ALG5: variants seen among roughly 807,000 people sequenced by gnomAD.
ALG5 encodes ALG5 dolichyl-phosphate beta-glucosyltransferase, also known as dolichyl-phosphate beta-glucosyltransferase.
ALG5 carries 26 observed loss-of-function variants against 51.8 expected under a neutral mutation model. The observed-to-expected ratio is 0.50, with a 90% confidence interval of 0.37 to 0.70. The LOEUF (loss-of-function observed/expected upper bound fraction) is 0.70, where lower values mean the gene tolerates loss of function less well. ALG5 is among the 30% of genes least tolerant of loss of function. ALG5 has a pLI of 0.00. For synonymous variants in ALG5, 141 were observed against 136.1 expected (o/e 1.04, Z -0.25); for missense variants, 311 against 399.3 (o/e 0.78, Z 1.88).
chr13:36,995,683 T>C, intron 1 of ALG5, 87 bp from the exon 2 acceptor site: 1 of 1,263,614 alleles, frequency 7.9e-7, no homozygotes, highest in Non-Finnish European at 1.1e-6. Context: ...ATCATCTACT[T>C]TTCTTTTAGT....
chr13:36,989,759 C>T (rs971309166), intron 4 of ALG5, among the ~76,000 whole-genome samples, 183 bp from the exon 5 acceptor site: 11 of 152,170 alleles, frequency 7.2e-5, no homozygotes, highest in Admixed American at 4.6e-4. Context: ...CATTGACCTA[C>T]TAGGTTGAAA....
At chr13:36,956,659 C>T (rs1430147205) in intron 8 of ALG5, among the ~76,000 whole-genome samples, 3 of 152,126 alleles carry the variant, frequency 2.0e-5, no homozygotes, top group East Asian at 3.9e-4. Flanking sequence ...GGGCAACCTC[C>T]TTTGGGTCCC....
In ALG5 at chr13:36,989,520, C is replaced by T. The variant is rs1180194677; in HGVS notation, c.411G>A (p.Leu137=). 6.2e-7 allele frequency: 1 copy of T among 1,612,660 alleles called. No homozygotes were observed. Among genetic ancestry groups the T allele is most frequent in the African/African-American group, 1.3e-5 (1 of 74,890 alleles). The change falls in exon 5 of 10, where the codon CTG becomes CTA. Residue 137 remains leucine, a synonymous_variant. Coordinates refer to ENST00000239891, the MANE Select transcript of ALG5 (RefSeq NM_013338.5). ...YGSDKVRVIT[L]VKNRGKGGAI... is the part of the protein sequence containing the mutation. The stretch of plus-strand genomic sequence containing the variant: ...CTCCACCTTTTCCACGATTCTTCAC[C>T]AGGGTTATCACACGTACTTTGTCAC...
intron 3 of ALG5, among the ~76,000 whole-genome samples, 160 bp from the exon 4 acceptor site, chr13:36,993,832 T>C (rs1240104436): frequency 6.7e-6 from 1 of 148,868 alleles, no homozygotes; most frequent in South Asian, 2.1e-4. Context: ...AAAGGCTAAG[T>C]AAAAAGAGAG....
In ALG5 at chr13:36,999,295, A is replaced by G; in HGVS notation, c.6T>C (p.Ala2=). 1 of 1,574,806 alleles carries G rather than the reference A, an allele frequency of 6.3e-7. No individual in the cohort carries two copies. The highest frequency in any genetic ancestry group is 8.6e-7 in the Non-Finnish European group (1 of 1,163,542). ...GCACCGCCAGCTGCAACAGAAGCGG[A>G]GCCATTCTCCATGCCGTGGCAGCCC... M[A]PLLLQLAVLG... Residue 2 remains alanine, a synonymous_variant, in exon 1 of 10, where the codon GCT becomes GCC. Transcript: ENST00000239891.
chr13:36,993,885 T>C (rs932761946), intron 3 of ALG5, among the ~76,000 whole-genome samples: 1 of 152,200 alleles, frequency 6.6e-6, no homozygotes, highest in African/African-American at 2.4e-5. Flanking sequence ...ATTGACTCAA[T>C]CTCTCCATGT....
intron 9 of ALG5, 43 bp from the exon 10 acceptor site, chr13:36,950,100 C>T: frequency 7.8e-7 from 1 of 1,279,790 alleles, no homozygotes; most frequent in Non-Finnish European, 1.1e-6. Flanking sequence ...CTTAAATAAA[C>T]TCAGCAGAAA....
intron 3 of ALG5, among the ~76,000 whole-genome samples, chr13:36,994,306 G>T (rs1280721586): frequency 6.6e-6 from 1 of 152,020 alleles, no homozygotes; most frequent in Non-Finnish European, 1.5e-5. Flanking sequence ...AAATCTAAAA[G>T]CAAAGTAAAT....
intron 6 of ALG5, among the ~76,000 whole-genome samples, chr13:36,978,634 G>A (rs909202903): frequency 7.9e-5 from 12 of 151,518 alleles, no homozygotes; most frequent in South Asian, 2.1e-4. Context: ...AATGTTAGCC[G>A]GGCGTGGTGG....
At chr13:36,974,704 T>C (rs2058941765) in intron 6 of ALG5, among the ~76,000 whole-genome samples, 1 of 151,878 alleles carries the variant, frequency 6.6e-6, no homozygotes. Flanking sequence ...AATCTTGTTC[T>C]ATGTAAAGCC....
intron 6 of ALG5, among the ~76,000 whole-genome samples, chr13:36,975,202 A>C (rs913150946): frequency 2.0e-5 from 3 of 152,078 alleles, no homozygotes; most frequent in African/African-American, 7.2e-5. Context: ...CAAGAGTAAA[A>C]CTCTGTCTAA....
Position 36,958,994 on chromosome 13 carries a change from TA to T in ALG5, c.774-6396del, listed in dbSNP as rs869205338. Among the ~76,000 whole-genome samples the T allele has an allele frequency of 4.4e-3, 619 of 140,026 alleles. 6 individuals are homozygous for T. Among genetic ancestry groups the T allele is most frequent in the African/African-American group, 0.014 (543 of 38,098 alleles). The allele number at this position is 140,026 out of a possible 152,430, so 91.9% of individuals were successfully genotyped here. ...TCTTGCAACTGCAAACAAAATAAAA[TA>T]AAAAAAAAAAGAAATATTATTCAGC... is the stretch of plus-strand genomic sequence containing the variant. On this transcript the variant is annotated intron_variant, in intron 8 of 9. Transcript: ENST00000239891.
intron 8 of ALG5, among the ~76,000 whole-genome samples, chr13:36,958,082 T>C (rs2058848676): frequency 6.6e-6 from 1 of 152,094 alleles, no homozygotes; most frequent in African/African-American, 2.4e-5. Flanking sequence ...CTGTGCCTGC[T>C]CTTTAAGCGA....
In ALG5 at chr13:36,949,992, G is replaced by T; in HGVS notation, c.925C>A (p.Arg309=). 1.9e-6 allele frequency: 3 copies of T among 1,613,262 alleles called. No homozygotes were observed. Among genetic ancestry groups the T allele is most frequent in the Non-Finnish European group, 2.5e-6 (3 of 1,179,778 alleles). The change falls in exon 10 of 10, where the codon CGA becomes AGA. Residue 309 remains arginine (R), a synonymous_variant. Transcript: ENST00000239891. Reference sequence around the variant, plus strand: ...AGCCTCCAGGCACCAGTCAAATATCGAAGTCGTATAAAAAGTAGGTCTTTA... The same window carrying T: ...AGCCTCCAGGCACCAGTCAAATATCTAAGTCGTATAAAAAGTAGGTCTTTA... ...MGKDLLFIRL[R]YLTGAWRLEQ...
At chr13:36,998,461 C>A (rs1046570023) in intron 1 of ALG5, among the ~76,000 whole-genome samples, 1 of 152,188 alleles carries the variant, frequency 6.6e-6, no homozygotes, top group African/African-American at 2.4e-5. Context: ...GAAATCCTCT[C>A]CACTTACTAA....
chr13:36,973,337 G>C (rs2058935197), intron 6 of ALG5, among the ~76,000 whole-genome samples: 1 of 152,090 alleles, frequency 6.6e-6, no homozygotes, highest in African/African-American at 2.4e-5. Flanking sequence ...CATACACAAA[G>C]CCATATGAGT....
In ALG5 at chr13:36,949,927, A is replaced by G. The variant is rs760891409; in HGVS notation, c.*15T>C. On this transcript the variant is annotated 3_prime_UTR_variant, in exon 10 of 10. Coordinates refer to ENST00000239891, the MANE Select transcript of ALG5 (RefSeq NM_013338.5). ...ACACTGAAGCATAAGAACACAACTGAAGACTGCAAACAACCTAATTCATTT... is the reference window on the plus strand; with the variant it reads ...ACACTGAAGCATAAGAACACAACTGGAGACTGCAAACAACCTAATTCATTT... The G allele has an allele frequency of 6.4e-7, 1 of 1,555,996 alleles. No homozygotes were observed. The highest frequency in any genetic ancestry group is 1.8e-5 in the Admixed American group (1 of 57,112).
intron 7 of ALG5, among the ~76,000 whole-genome samples, chr13:36,971,632 G>C (rs2058923666): frequency 1.4e-5 from 2 of 138,484 alleles, no homozygotes; most frequent in African/African-American, 5.5e-5. Context: ...CTGGGCAACA[G>C]AGGGAGACTC....
At chr13:36,976,092 AT>A (rs2058949081) in intron 6 of ALG5, among the ~76,000 whole-genome samples, 1 of 152,148 alleles carries the variant, frequency 6.6e-6, no homozygotes, top group Non-Finnish European at 1.5e-5. Flanking sequence ...TAATAAAAAA[AT>A]AAAACGTTTG....
Sources: gnomAD v4.1 joint callset for allele counts (sites outside exome capture counted in the v4.1 genomes callset) on GRCh38, gnomAD v4.1.1 for gene constraint, MANE v1.5 for transcripts, NCBI Gene and HGNC (gene_info 2026-07-23, HGNC 2026-07-21) for gene names.